Variants in NYAP2 observed in about 807,000 individuals in gnomAD.
NYAP2 encodes the protein neuronal tyrosine-phosphorylated phosphoinositide-3-kinase adaptor 2, also known as neuronal tyrosine-phosphorylated phosphoinositide-3-kinase adapter 2.
NYAP2 carries 23 observed loss-of-function variants against 50.4 expected under a neutral mutation model. That is an observed-to-expected ratio of 0.46 (90% CI 0.33 to 0.65). The LOEUF (loss-of-function observed/expected upper bound fraction) is 0.65, where lower values mean the gene tolerates loss of function less well. Among genes scored for constraint, NYAP2 ranks in the 30% least tolerant of loss-of-function variants. The pLI is 0.02. For synonymous variants in NYAP2, 394 were observed against 365.2 expected (o/e 1.08, Z -0.90); for missense variants, 885 against 861.0 (o/e 1.03, Z -0.35).
At chr2:225,485,609 G>C (rs750793640) in intron 3 of NYAP2, among the ~76,000 whole-genome samples, 8 of 152,022 alleles carry the variant, frequency 5.3e-5, no homozygotes, top group Non-Finnish European at 8.8e-5. Flanking sequence ...TGGTGGGAGG[G>C]GTGTGTGTGA....
chr2:225,469,187 T>C (rs1689972989), intron 3 of NYAP2, among the ~76,000 whole-genome samples: 1 of 151,928 alleles, frequency 6.6e-6, no homozygotes, highest in Non-Finnish European at 1.5e-5. Flanking sequence ...AACAACCCCA[T>C]CAAAAAGTGG....
chr2:225,554,500 C>T (rs558447192), intron 4 of NYAP2, among the ~76,000 whole-genome samples: 3 of 151,560 alleles, frequency 2.0e-5, no homozygotes, highest in South Asian at 2.1e-4. Flanking sequence ...TTTTTTTGTA[C>T]TTTTAGTAGA....
intron 5 of NYAP2, among the ~76,000 whole-genome samples, chr2:225,623,897 C>T (rs1693165918): frequency 1.3e-5 from 2 of 152,116 alleles, no homozygotes; most frequent in South Asian, 4.1e-4. Flanking sequence ...AGATAAAATG[C>T]CTTCTTTTAG....
At chr2:225,531,411 C>A (rs557325423) in intron 4 of NYAP2, among the ~76,000 whole-genome samples, 3 of 152,176 alleles carry the variant, frequency 2.0e-5, no homozygotes, top group African/African-American at 7.2e-5. Context: ...TTGAACTATA[C>A]TTTGTGTACA....
intron 3 of NYAP2, among the ~76,000 whole-genome samples, chr2:225,440,659 A>G (rs1255894476): frequency 1.3e-5 from 2 of 152,214 alleles, no homozygotes; most frequent in Non-Finnish European, 2.9e-5. Flanking sequence ...GTGCATTGAT[A>G]TAAAGCACAG....
exon 7 of NYAP2, chr2:225,651,663 G>T: frequency 7.6e-7 from 1 of 1,317,620 alleles, no homozygotes; most frequent in Non-Finnish European, 1.1e-6. Flanking sequence ...TGTGTGTATG[G>T]GTTAGGGGAT....
At chr2:225,429,657 T>C (rs1695337725) in intron 3 of NYAP2, among the ~76,000 whole-genome samples, 1 of 152,242 alleles carries the variant, frequency 6.6e-6, no homozygotes, top group Non-Finnish European at 1.5e-5. Flanking sequence ...TATTTTAAGA[T>C]AAATTATATT....
At chr2:225,535,761 C>T (rs1691338024) in intron 4 of NYAP2, among the ~76,000 whole-genome samples, 1 of 152,092 alleles carries the variant, frequency 6.6e-6, no homozygotes, top group African/African-American at 2.4e-5. Context: ...ATGGTGGTTG[C>T]TTAGATGGAG....
intron 5 of NYAP2, among the ~76,000 whole-genome samples, chr2:225,594,583 A>G (rs146067935): frequency 2.4e-4 from 37 of 152,330 alleles, no homozygotes; most frequent in African/African-American, 8.4e-4. Context: ...CTTTGTTGGA[A>G]AGACATTGCA....
intron 3 of NYAP2, among the ~76,000 whole-genome samples, chr2:225,453,660 TG>T (rs2106149195): frequency 6.6e-6 from 1 of 152,096 alleles, no homozygotes; most frequent in East Asian, 1.9e-4. Context: ...TTTGTTTGTT[TG>T]TTTTTGTTTT....
intron 3 of NYAP2, among the ~76,000 whole-genome samples, chr2:225,499,529 G>A (rs1267963198): frequency 2.6e-5 from 4 of 151,942 alleles, no homozygotes; most frequent in Non-Finnish European, 1.5e-5. Flanking sequence ...TGTTAGCCAG[G>A]ATGGTCTCGA....
At chr2:225,501,117 G>A (rs1419485584) in intron 3 of NYAP2, among the ~76,000 whole-genome samples, 7 of 152,128 alleles carry the variant, frequency 4.6e-5, no homozygotes, top group Non-Finnish European at 7.4e-5. Context: ...CCACTTCTTT[G>A]AGTTGTTTGG....
chr2:225,449,378 T>G (rs1402046501), intron 3 of NYAP2, among the ~76,000 whole-genome samples: 3 of 152,186 alleles, frequency 2.0e-5, no homozygotes, highest in African/African-American at 4.8e-5. Context: ...GTGATAGATA[T>G]GAAGTACTGT....
intron 4 of NYAP2, among the ~76,000 whole-genome samples, chr2:225,526,186 A>G (rs958654116): frequency 6.6e-6 from 1 of 152,228 alleles, no homozygotes; most frequent in Non-Finnish European, 1.5e-5. Context: ...TCTGATCTAC[A>G]GAAGTGTGAG....
At chr2:225,665,965 A>C in the NYAP2 span, among the ~76,000 whole-genome samples, 42 of 151,642 alleles carry the variant, frequency 2.8e-4, no homozygotes, top group Non-Finnish European at 4.1e-4. Flanking sequence ...CTTTGGGTGG[A>C]GTGGCTAGAC....
At chr2:225,597,516 T>TATATATATATATATATAC (rs1385472479) in intron 5 of NYAP2, among the ~76,000 whole-genome samples, 5 of 106,828 alleles carry the variant, frequency 4.7e-5, no homozygotes, top group Non-Finnish European at 8.2e-5. Flanking sequence ...AGGAGAAATA[T>TATATATATATATATATAC]ATATATATAT....
intron 2 of NYAP2, among the ~76,000 whole-genome samples, chr2:225,404,737 C>T (rs1043678477): frequency 7.2e-5 from 11 of 152,016 alleles, no homozygotes; most frequent in Non-Finnish European, 1.3e-4. Context: ...AACCATACAG[C>T]TGTGTGAAAG....
At chr2:225,602,505 A>C (rs1319301843) in intron 5 of NYAP2, among the ~76,000 whole-genome samples, 3 of 152,124 alleles carry the variant, frequency 2.0e-5, no homozygotes, top group Non-Finnish European at 4.4e-5. Context: ...AGCCATCCTA[A>C]CTGCCTGCTT....
At chr2:225,462,682 G>C (rs1024823743) in intron 3 of NYAP2, among the ~76,000 whole-genome samples, 3 of 152,116 alleles carry the variant, frequency 2.0e-5, no homozygotes, top group African/African-American at 7.2e-5. Context: ...TGAATGACCT[G>C]AATCAGAGCA....
Sources: allele counts gnomAD v4.1 joint callset (sites outside exome capture counted in the v4.1 genomes callset), GRCh38; gene constraint gnomAD v4.1.1; transcripts MANE v1.5; gene names NCBI Gene and HGNC (gene_info 2026-07-23, HGNC 2026-07-21).